The following ADGRL3 variants were observed in gnomAD, a reference collection of about 807,000 sequenced individuals.
ADGRL3 encodes the protein adhesion G protein-coupled receptor L3, also known as calcium-independent alpha-latrotoxin receptor 3.
Under a neutral mutation model 153.5 loss-of-function variants are expected in ADGRL3, and 62 were observed. The observed-to-expected ratio is 0.40, with a 90% CI of 0.33 to 0.50. The LOEUF (loss-of-function observed/expected upper bound fraction) is 0.50. ADGRL3 is among the 20% of genes least tolerant of loss of function. The pLI is 0.47. For missense variants in ADGRL3, 1,641 were observed against 1,859.4 expected (o/e 0.88, Z 2.16); for synonymous variants, 710 against 672.5 (o/e 1.06, Z -0.86).
chr4:61,547,952 T>C (rs113839921), intron 4 of ADGRL3, among the ~76,000 whole-genome samples: 19 of 152,272 alleles, frequency 1.2e-4, no homozygotes, highest in African/African-American at 4.3e-4. Flanking sequence ...CCATTCTTAC[T>C]GGTGTAAGAA....
intron 21 of ADGRL3, among the ~76,000 whole-genome samples, chr4:62,026,822 C>CA (rs1455588560): frequency 6.6e-6 from 1 of 151,916 alleles, no homozygotes; most frequent in East Asian, 1.9e-4. Context: ...AACAAACAAA[C>CA]AAAAAATTGA....
intron 1 of ADGRL3, among the ~76,000 whole-genome samples, chr4:61,296,247 G>T (rs554945456): frequency 7.9e-5 from 12 of 152,262 alleles, no homozygotes; most frequent in Middle Eastern, 6.8e-3. Flanking sequence ...TTGTGTCGGA[G>T]TGCAGCGATG....
In ADGRL3 at chr4:62,037,861, A is replaced by G. The variant is rs956535315; in HGVS notation, c.3717+5A>G. On this transcript the variant is annotated splice_donor_5th_base_variant and intron_variant, in intron 24 of 26. Coordinates refer to ENST00000683033, the MANE Select transcript of ADGRL3 (RefSeq NM_001387552.1). ...CGCTACTCCACAGGCTCACAGGTAAACAATATTTGTTCACTGAAATGAAGT... is the reference window on the plus strand; with the variant it reads ...CGCTACTCCACAGGCTCACAGGTAAGCAATATTTGTTCACTGAAATGAAGT... 1 of 1,613,642 alleles carries G rather than the reference A, an allele frequency of 6.2e-7. No individual in the cohort carries two copies.
In ADGRL3 at chr4:61,248,192, A is replaced by AT. The variant is rs528923341; in HGVS notation, c.-240+46438dup. ...TTAGATCAAGTGCTGCTGTAGAGTA[A>AT]TTTTTTTTTTTGGTCATTCTCATAG... On this transcript the variant is annotated intron_variant, in intron 1 of 26. Transcript: ENST00000683033. Among the ~76,000 whole-genome samples, 108 of 147,740 alleles carry AT rather than the reference A, an allele frequency of 7.3e-4. 1 individual carries two copies. Among genetic ancestry groups the AT allele is most frequent in the East Asian group, 4.7e-3 (24 of 5,076 alleles).
chr4:61,424,245 T>C (rs1315311434), intron 2 of ADGRL3, among the ~76,000 whole-genome samples: 1 of 152,132 alleles, frequency 6.6e-6, no homozygotes, highest in Non-Finnish European at 1.5e-5. Flanking sequence ...ATATAATGCA[T>C]GGGATTGTGC....
intron 4 of ADGRL3, among the ~76,000 whole-genome samples, chr4:61,577,766 T>A (rs758548438): frequency 4.1e-4 from 62 of 151,228 alleles, no homozygotes; most frequent in Non-Finnish European, 8.1e-4. Context: ...TGACATATGA[T>A]CATGCCACTG....
chr4:61,778,572 G>GT (rs2097179306), intron 8 of ADGRL3, among the ~76,000 whole-genome samples: 1 of 152,120 alleles, frequency 6.6e-6, no homozygotes, highest in Non-Finnish European at 1.5e-5. Context: ...GCAACATTCG[G>GT]TTTTTTAAAA....
chr4:61,227,933 A>C (rs1477118966), intron 1 of ADGRL3, among the ~76,000 whole-genome samples: 6 of 152,210 alleles, frequency 3.9e-5, no homozygotes, highest in African/African-American at 1.4e-4. Context: ...GTTGACTTAG[A>C]TAAAAATTGC....
At chr4:61,929,091 A>G (rs1239262120) in intron 13 of ADGRL3, among the ~76,000 whole-genome samples, 1 of 152,156 alleles carries the variant, frequency 6.6e-6, no homozygotes, top group African/African-American at 2.4e-5. Flanking sequence ...GTGTCTCCCC[A>G]TAATTCATGT....
At chr4:61,249,139 T>A (rs555591254) in intron 1 of ADGRL3, among the ~76,000 whole-genome samples, 1 of 152,302 alleles carries the variant, frequency 6.6e-6, no homozygotes, top group South Asian at 2.1e-4. Flanking sequence ...AAGTACGGGT[T>A]TTTTTGCAGG....
At chr4:61,964,005 A>G (rs1489407009) in intron 17 of ADGRL3, among the ~76,000 whole-genome samples, 1 of 152,204 alleles carries the variant, frequency 6.6e-6, no homozygotes, top group Non-Finnish European at 1.5e-5. Flanking sequence ...TAATGTCTAC[A>G]TAGATTATCT....
intron 8 of ADGRL3, among the ~76,000 whole-genome samples, chr4:61,744,221 G>A (rs1045301249): frequency 1.3e-5 from 2 of 152,186 alleles, no homozygotes; most frequent in Admixed American, 6.5e-5. Context: ...AACTCGAACT[G>A]GGAGGAGCCC....
intron 2 of ADGRL3, among the ~76,000 whole-genome samples, chr4:61,404,086 A>G (rs553278303): frequency 1.0e-3 from 158 of 152,164 alleles, no homozygotes; most frequent in African/African-American, 3.3e-3. Context: ...GCCAGGCTCT[A>G]TGCTAGTTAA....
chr4:61,237,508 A>T (rs1577943386), intron 1 of ADGRL3, among the ~76,000 whole-genome samples: 1 of 152,190 alleles, frequency 6.6e-6, no homozygotes, highest in Non-Finnish European at 1.5e-5. Context: ...TGACAGCTCC[A>T]TGAGTGAATC....
At chr4:61,806,776 A>C (rs2097557471) in intron 8 of ADGRL3, among the ~76,000 whole-genome samples, 1 of 152,140 alleles carries the variant, frequency 6.6e-6, no homozygotes, top group African/African-American at 2.4e-5. Flanking sequence ...ATAAAATGTC[A>C]CAGAAAATGC....
chr4:61,476,708 T>TAAAA lies in ADGRL3; in HGVS notation c.-173-20386_-173-20383dup, dbSNP rs34866230. ...TGGGCAACAAGAGCAAGACTCTGTC[T>TAAAA]AAAAAAAAAAAAAAAAAAAAAAAAA... On this transcript the variant is annotated intron_variant, in intron 2 of 26. Transcript: ENST00000683033. Among the ~76,000 whole-genome samples, 36 of 33,572 alleles carry TAAAA rather than the reference T, an allele frequency of 1.1e-3. 1 individual carries two copies. Among genetic ancestry groups the TAAAA allele is most frequent in the African/African-American group, 2.7e-3 (21 of 7,710 alleles). The allele number at this position is 33,572 out of a possible 152,430, so 22.0% of individuals were successfully genotyped here.
intron 15 of ADGRL3, among the ~76,000 whole-genome samples, chr4:61,945,856 A>G (rs1359079030): frequency 6.6e-6 from 1 of 151,790 alleles, no homozygotes; most frequent in Non-Finnish European, 1.5e-5. Context: ...AGTGAGATGA[A>G]CCCGGTACCT....
chr4:61,289,523 A>G (rs1339551983), intron 1 of ADGRL3, among the ~76,000 whole-genome samples: 1 of 152,064 alleles, frequency 6.6e-6, no homozygotes, highest in Non-Finnish European at 1.5e-5. Context: ...GTATGCCTTT[A>G]TGGCATAGTC....
chr4:61,939,079 C>T (rs748177701), intron 15 of ADGRL3, among the ~76,000 whole-genome samples: 1 of 151,754 alleles, frequency 6.6e-6, no homozygotes, highest in African/African-American at 2.4e-5. Flanking sequence ...AAAGACAATT[C>T]ACTTCATAGA....
Sources: allele counts gnomAD v4.1 joint callset (sites outside exome capture counted in the v4.1 genomes callset), GRCh38; gene constraint gnomAD v4.1.1; transcripts MANE v1.5; gene names NCBI Gene and HGNC (gene_info 2026-07-23, HGNC 2026-07-21).